Variants in IKZF1 observed in about 807,000 individuals in gnomAD.
The protein encoded by IKZF1 is IKAROS family zinc finger 1, also known as DNA-binding protein Ikaros.
Under a neutral mutation model 51.7 loss-of-function variants are expected in IKZF1, and 10 were observed. That is an observed-to-expected ratio of 0.19 (90% CI 0.12 to 0.33). The LOEUF (loss-of-function observed/expected upper bound fraction) is 0.33, where lower values mean the gene tolerates loss of function less well. IKZF1 is among the 10% of genes least tolerant of loss of function. The probability of loss-of-function intolerance (pLI) is 1.00; values close to 1 mark genes in which losing one functional copy is unlikely to be tolerated. For missense variants in IKZF1, 484 were observed against 707.5 expected, an observed-to-expected ratio of 0.68 and a Z score of 3.58; for synonymous variants, 280 against 282.3, an observed-to-expected ratio of 0.99 and a Z score of 0.08.
Position 50,402,609 on chromosome 7 carries a change from A to G in IKZF1, c.*1982A>G. The G allele has an allele frequency of 4.3e-6, 1 of 232,130 alleles. No individual in the cohort carries two copies. The highest frequency in any genetic ancestry group is 8.5e-6 in the Non-Finnish European group (1 of 117,234). The allele number at this position is 232,130 out of a possible 1,614,324, so 14.4% of individuals were successfully genotyped here. A position where few individuals can be genotyped will look rare whatever the true frequency, so the allele number is the denominator to read the frequency against. On this transcript the variant is annotated 3_prime_UTR_variant, in exon 8 of 8. Coordinates refer to ENST00000331340, the MANE Select transcript of IKZF1 (RefSeq NM_006060.6). Reference sequence around the variant, plus strand: ...AATATTCCCAATATTCCCGGTCAGCAGTATCAAGGCTGACTTGTGTTCATG... The same window carrying G: ...AATATTCCCAATATTCCCGGTCAGCGGTATCAAGGCTGACTTGTGTTCATG...
intron 5 of IKZF1, 82 bp downstream of exon 5, chr7:50,382,789 C>A: frequency 6.8e-7 from 1 of 1,476,448 alleles, no homozygotes; most frequent in South Asian, 1.3e-5. Context: ...CGGATTGTGT[C>A]CTTGCTGGCT....
At chr7:50,313,916 T>C (rs1046027183) in intron 1 of IKZF1, among the ~76,000 whole-genome samples, 1 of 152,182 alleles carries the variant, frequency 6.6e-6, no homozygotes, top group African/African-American at 2.4e-5. Flanking sequence ...AGTAGGTTGA[T>C]TAGATAAAGC....
At chr7:50,358,731 G>T (rs186645860) in intron 3 of IKZF1, among the ~76,000 whole-genome samples, 2 of 152,124 alleles carry the variant, frequency 1.3e-5, no homozygotes, top group African/African-American at 2.4e-5. Flanking sequence ...TATACAGCAC[G>T]GGGCTTTTTA....
chr7:50,346,615 A>G (rs909324077), intron 3 of IKZF1, among the ~76,000 whole-genome samples: 4 of 152,162 alleles, frequency 2.6e-5, no homozygotes, highest in Non-Finnish European at 5.9e-5. Context: ...CCTTCCTAGA[A>G]CATTGCACCC....
chr7:50,351,637 C>T (rs1338523145), intron 3 of IKZF1, among the ~76,000 whole-genome samples: 3 of 152,200 alleles, frequency 2.0e-5, no homozygotes, highest in African/African-American at 7.2e-5. Flanking sequence ...TTCATTGCAA[C>T]AAAGATTTTT....
chr7:50,324,622 C>G (rs556778729), intron 2 of IKZF1, among the ~76,000 whole-genome samples: 38 of 152,166 alleles, frequency 2.5e-4, no homozygotes, highest in Admixed American at 6.5e-4. Flanking sequence ...GATGCAAGAT[C>G]AGGGACACTG....
intron 3 of IKZF1, among the ~76,000 whole-genome samples, chr7:50,367,350 G>A (rs1807254210): frequency 6.6e-6 from 1 of 152,200 alleles, no homozygotes; most frequent in Non-Finnish European, 1.5e-5. Flanking sequence ...GTGTGCACAT[G>A]TGCAGAATCT....
chr7:50,355,810 C>T (rs536458575), intron 3 of IKZF1, among the ~76,000 whole-genome samples: 1 of 152,282 alleles, frequency 6.6e-6, no homozygotes, highest in East Asian at 1.9e-4. Flanking sequence ...AAAACCTGCC[C>T]TAGGGAGGCA....
intron 3 of IKZF1, among the ~76,000 whole-genome samples, chr7:50,342,779 C>T (rs1404288419): frequency 2.0e-5 from 3 of 152,142 alleles, no homozygotes; most frequent in South Asian, 2.1e-4. Context: ...GAATCTGCTC[C>T]GCAGTGTGCA....
intron 3 of IKZF1, among the ~76,000 whole-genome samples, chr7:50,341,617 G>A (rs1037400876): frequency 1.1e-4 from 17 of 152,248 alleles, no homozygotes; most frequent in South Asian, 1.0e-3. Context: ...AAATTCCAGC[G>A]TAGCACTGTC....
At chr7:50,319,180 G>A in intron 2 of IKZF1, 79 bp downstream of exon 2, 1 of 1,193,136 alleles carries the variant, frequency 8.4e-7, no homozygotes. Flanking sequence ...TGCTTGGTAT[G>A]CTCATGGGGG....
chr7:50,395,426 GA>G (rs1407135458), intron 7 of IKZF1, among the ~76,000 whole-genome samples: 1 of 151,940 alleles, frequency 6.6e-6, no homozygotes. Flanking sequence ...TATGTACTAT[GA>G]AAAACATTAA....
chr7:50,399,405 A>G (rs1339617683), intron 7 of IKZF1, among the ~76,000 whole-genome samples: 2 of 151,272 alleles, frequency 1.3e-5, no homozygotes, highest in African/African-American at 4.8e-5. Flanking sequence ...ATTAAATACA[A>G]TTATTAAAAT....
chr7:50,368,601 T>G (rs1807711034), intron 3 of IKZF1: 1 of 467,188 alleles, frequency 2.1e-6, no homozygotes, highest in African/African-American at 2.0e-5. Context: ...TCCTGCTTGG[T>G]GCCCGCAGGA....
Position 50,391,869 on chromosome 7 carries a change from A to G in IKZF1, c.850+6A>G. 5.0e-6 allele frequency: 8 copies of G among 1,609,802 alleles called. No individual in the cohort carries two copies. The highest frequency in any genetic ancestry group is 6.8e-6 in the Non-Finnish European group (8 of 1,177,596). ...TATGCCTCAGAAATTTCTTGGTAAG[A>G]GTTAAATGTTTGCTGTCTCTTAAAA... On this transcript the variant is annotated splice_donor_region_variant and intron_variant, in intron 7 of 7. Coordinates refer to ENST00000331340, the MANE Select transcript of IKZF1 (RefSeq NM_006060.6).
intron 3 of IKZF1, among the ~76,000 whole-genome samples, chr7:50,341,593 A>T (rs1485084869): frequency 6.6e-6 from 1 of 152,228 alleles, no homozygotes; most frequent in African/African-American, 2.4e-5. Context: ...TTATTTGTGA[A>T]ATATAGAAAT....
intron 3 of IKZF1, among the ~76,000 whole-genome samples, chr7:50,355,583 T>A (rs1176004282): frequency 6.6e-6 from 1 of 151,812 alleles, no homozygotes; most frequent in Non-Finnish European, 1.5e-5. Flanking sequence ...CTGCAGTCTC[T>A]CTTAATTCAC....
Position 50,376,281 on chromosome 7 carries a change from C to T in IKZF1, c.161-252C>T, listed in dbSNP as rs746219271. ...CCTTTCTAGTGCATTTTCAGATAAT[C>T]GCCACTGGGCCTATGGATGGAGAGG... is the stretch of plus-strand genomic sequence containing the variant. On this transcript the variant is annotated intron_variant, in intron 3 of 7. Transcript: ENST00000331340. The surrounding 1 kb of genome is among the most constrained non-coding windows in gnomAD (Gnocchi z 4.5). Among the ~76,000 whole-genome samples, 1 of 152,172 alleles carries T rather than the reference C, an allele frequency of 6.6e-6. No individual in the cohort carries two copies. Among genetic ancestry groups the T allele is most frequent in the Non-Finnish European group, 1.5e-5 (1 of 68,024 alleles).
At chr7:50,378,418 C>A (rs1810922882) in intron 4 of IKZF1, among the ~76,000 whole-genome samples, 1 of 152,130 alleles carries the variant, frequency 6.6e-6, no homozygotes, top group Non-Finnish European at 1.5e-5. Context: ...GGTAGGCTAC[C>A]CTGTGATAGA....
Sources: allele counts gnomAD v4.1 joint callset (sites outside exome capture counted in the v4.1 genomes callset), GRCh38; gene constraint gnomAD v4.1.1; non-coding constraint Gnocchi (gnomAD v3.1); transcripts MANE v1.5; gene names NCBI Gene and HGNC (gene_info 2026-07-23, HGNC 2026-07-21).